The following GNAL variants were observed in gnomAD, a reference collection of about 807,000 sequenced individuals.
GNAL encodes guanine nucleotide-binding protein G(olf) subunit alpha.
In GNAL, 18 loss-of-function variants were observed where a neutral mutation model predicts 55.1. The observed-to-expected ratio is 0.33, with a 90% CI of 0.23 to 0.48. The LOEUF (loss-of-function observed/expected upper bound fraction) is 0.48. Among genes scored for constraint, GNAL ranks in the 20% least tolerant of loss-of-function variants. The pLI is 0.99. For synonymous variants in GNAL, 253 were observed against 237.0 expected (o/e 1.07, Z -0.62); for missense variants, 412 against 614.1 (o/e 0.67, Z 3.48).
At chr18:11,815,264 A>G (rs971933030) in intron 4 of GNAL, among the ~76,000 whole-genome samples, 6 of 152,178 alleles carry the variant, frequency 3.9e-5, no homozygotes, top group African/African-American at 1.4e-4. Flanking sequence ...TGTGTCAATT[A>G]TGTATTAGTC....
intron 5 of GNAL, among the ~76,000 whole-genome samples, chr18:11,846,935 G>C (rs1462768460): frequency 4.0e-5 from 6 of 151,836 alleles, no homozygotes; most frequent in Non-Finnish European, 8.8e-5. Flanking sequence ...TTTAATTCTA[G>C]CTGTGTTCCC....
At chr18:11,785,204 AT>A (rs2034023725) in intron 4 of GNAL, among the ~76,000 whole-genome samples, 1 of 152,132 alleles carries the variant, frequency 6.6e-6, no homozygotes, top group Non-Finnish European at 1.5e-5. Flanking sequence ...GAATTTGGAA[AT>A]TAGTCTAGAA....
intron 4 of GNAL, among the ~76,000 whole-genome samples, chr18:11,782,512 T>A (rs949197814): frequency 1.3e-5 from 2 of 152,038 alleles, no homozygotes; most frequent in African/African-American, 4.8e-5. Flanking sequence ...GTGATAAAAA[T>A]TTTTGAAAGG....
At chr18:11,849,233 G>C (rs888174572) in intron 5 of GNAL, among the ~76,000 whole-genome samples, 4 of 152,198 alleles carry the variant, frequency 2.6e-5, no homozygotes, top group African/African-American at 9.7e-5. Context: ...TGGGCACGGT[G>C]GCCCACGCCT....
chr18:11,881,357 G>A lies in GNAL; in HGVS notation c.*222G>A, dbSNP rs553586537. On this transcript the variant is annotated 3_prime_UTR_variant, in exon 12 of 12. Coordinates refer to ENST00000334049, the MANE Select transcript of GNAL (RefSeq NM_182978.4). The surrounding 1 kb of genome is among the most constrained non-coding windows in gnomAD (Gnocchi z 4.8). Reference sequence around the variant, plus strand: ...CGCAGCATCCCACCCCCAAACCACCGACTCTCATTGCCGACACTGCAGCAG... The same window carrying A: ...CGCAGCATCCCACCCCCAAACCACCAACTCTCATTGCCGACACTGCAGCAG... 3.6e-5 allele frequency: 16 copies of A among 449,714 alleles called. No homozygotes were observed. Among genetic ancestry groups the A allele is most frequent in the Admixed American group, 1.1e-4 (3 of 27,818 alleles). 27.9% of individuals were successfully genotyped at this position (449,714 alleles called of 1,614,324 possible).
At chr18:11,780,425 T>A (rs555438058) in intron 4 of GNAL, among the ~76,000 whole-genome samples, 2 of 152,270 alleles carry the variant, frequency 1.3e-5, no homozygotes, top group Non-Finnish European at 2.9e-5. Context: ...ATGCCAACTC[T>A]CGGTTTTAAA....
intron 1 of GNAL, among the ~76,000 whole-genome samples, chr18:11,717,339 G>T (rs1052322930): frequency 1.3e-5 from 2 of 152,240 alleles, no homozygotes; most frequent in Non-Finnish European, 2.9e-5. Context: ...GGCCAGCCCA[G>T]AAGGGGGCTC....
intron 1 of GNAL, among the ~76,000 whole-genome samples, chr18:11,700,340 C>T (rs2031536134): frequency 6.6e-6 from 1 of 152,224 alleles, no homozygotes; most frequent in Non-Finnish European, 1.5e-5. Context: ...GCAAATAAAG[C>T]CCTCTAGACA....
At chr18:11,759,932 G>T (rs923945126) in intron 4 of GNAL, among the ~76,000 whole-genome samples, 2 of 152,104 alleles carry the variant, frequency 1.3e-5, no homozygotes, top group African/African-American at 4.8e-5. Flanking sequence ...AGCCCACCGT[G>T]TAAATCAGGT....
At chr18:11,851,691 C>G (rs768510996) in intron 5 of GNAL, 14 of 1,614,014 alleles carry the variant, frequency 8.7e-6, no homozygotes, top group Non-Finnish European at 1.2e-5. Context: ...GCCAGAAGAA[C>G]CAGGCGGTGA....
intron 5 of GNAL, among the ~76,000 whole-genome samples, chr18:11,827,767 C>T (rs532297495): frequency 1.3e-5 from 2 of 151,976 alleles, no homozygotes; most frequent in South Asian, 2.1e-4. Flanking sequence ...GTCAGGAGAT[C>T]GAGACCATCC....
At chr18:11,769,349 G>T (rs1333045205) in intron 4 of GNAL, among the ~76,000 whole-genome samples, 1 of 151,600 alleles carries the variant, frequency 6.6e-6, no homozygotes, top group Admixed American at 6.6e-5. Flanking sequence ...CTTCATTGTT[G>T]CACTTCGTAC....
chr18:11,783,342 T>C (rs779677317), intron 4 of GNAL, among the ~76,000 whole-genome samples: 1 of 152,212 alleles, frequency 6.6e-6, no homozygotes, highest in African/African-American at 2.4e-5. Flanking sequence ...TACCTCAGAG[T>C]TGCTGTGAGG....
chr18:11,700,641 G>T (rs1567990423), intron 1 of GNAL, among the ~76,000 whole-genome samples: 1 of 152,236 alleles, frequency 6.6e-6, no homozygotes, highest in Non-Finnish European at 1.5e-5. Context: ...TATTTAGTGA[G>T]AGGCAGGTCA....
At chr18:11,723,259 G>A (rs2032139357) in intron 1 of GNAL, among the ~76,000 whole-genome samples, 2 of 152,374 alleles carry the variant, frequency 1.3e-5, no homozygotes, top group South Asian at 4.1e-4. Context: ...ATAAATGGAG[G>A]AGTGTGGCTG....
intron 4 of GNAL, among the ~76,000 whole-genome samples, chr18:11,770,644 A>T (rs536556166): frequency 2.0e-5 from 3 of 152,104 alleles, no homozygotes; most frequent in African/African-American, 7.2e-5. Flanking sequence ...AATCCACAGG[A>T]GTGTACCATT....
At chr18:11,832,395 GT>G (rs1472170468) in intron 5 of GNAL, among the ~76,000 whole-genome samples, 1 of 152,158 alleles carries the variant, frequency 6.6e-6, no homozygotes, top group Non-Finnish European at 1.5e-5. Flanking sequence ...TCCCAGATCT[GT>G]TTTCTGTCAT....
At chr18:11,831,168 T>A (rs1369269145) in intron 5 of GNAL, among the ~76,000 whole-genome samples, 1 of 149,674 alleles carries the variant, frequency 6.7e-6, no homozygotes, top group Non-Finnish European at 1.5e-5. Context: ...TATCTTGATT[T>A]AAAAAAAAAA....
At chr18:11,863,234 G>A (rs369421275) in intron 6 of GNAL, among the ~76,000 whole-genome samples, 2 of 152,070 alleles carry the variant, frequency 1.3e-5, no homozygotes, top group East Asian at 3.9e-4. Flanking sequence ...TTCGACCCTC[G>A]GGCAGCTGCA....
Sources: allele counts gnomAD v4.1 joint callset (sites outside exome capture counted in the v4.1 genomes callset), GRCh38; gene constraint gnomAD v4.1.1; non-coding constraint Gnocchi (gnomAD v3.1); transcripts MANE v1.5; gene names NCBI Gene and HGNC (gene_info 2026-07-23, HGNC 2026-07-21).